Variants in ACAP3 observed in about 807,000 individuals in gnomAD.
ACAP3 encodes arf-GAP with coiled-coil, ANK repeat and PH domain-containing protein 3.
A neutral mutation model predicts 104.1 loss-of-function variants in ACAP3; 56 were observed. The observed-to-expected ratio is 0.54, with a 90% CI of 0.43 to 0.67. ACAP3 has a LOEUF of 0.67. ACAP3 is among the 30% of genes least tolerant of loss of function. ACAP3 has a pLI of 0.00. For synonymous variants in ACAP3, 628 were observed against 496.2 expected, an observed-to-expected ratio of 1.27 and a Z score of -3.53; for missense variants, 1,208 against 1,174.9, an observed-to-expected ratio of 1.03 and a Z score of -0.41.
At chr1:1,298,326 G>A in intron 12 of ACAP3, 44 bp downstream of exon 12, 1 of 1,604,974 alleles carries the variant, frequency 6.2e-7, no homozygotes, top group Non-Finnish European at 8.5e-7. Context: ...GGCCCAGGTG[G>A]GGCGTCCAGC....
At position 1,300,798 on chromosome 1, in the gene ACAP3, T is replaced by A. The variant is rs570380022; in HGVS notation, c.339-106A>T. The A allele has an allele frequency of 5.7e-5, 71 of 1,245,868 alleles. No individual in the cohort carries two copies. The African/African-American group carries it at 9.7e-4, about 17-fold the overall frequency. 77.2% of individuals were successfully genotyped at this position (1,245,868 alleles called of 1,614,324 possible). On this transcript the variant is annotated intron_variant, in intron 5 of 23. Coordinates refer to ENST00000354700, the MANE Select transcript of ACAP3 (RefSeq NM_030649.3). The stretch of plus-strand genomic sequence containing the variant: ...GTGTTTTTTGTTTTTTGAGACGGAG[T>A]TTCGCTCTTGTCACCCAGGCTGGAG...
At position 1,303,992 on chromosome 1, in the gene ACAP3, G is replaced by A; in HGVS notation, c.105+94C>T. ...CACACGCATGCTCCACATATGGGGG[G>A]TGTAAGTGGCTTAGTAAGGCCTGGA... On this transcript the variant is annotated intron_variant, in intron 2 of 23. Transcript: ENST00000354700. This position sits in a 1 kb window ranked among gnomAD's most constrained non-coding sequence, Gnocchi z 4.0. 3 of 1,432,672 alleles carry A rather than the reference G, an allele frequency of 2.1e-6. No individual in the cohort carries two copies. Among genetic ancestry groups the A allele is most frequent in the African/African-American group, 1.4e-5 (1 of 70,970 alleles). 88.7% of individuals were successfully genotyped at this position (1,432,672 alleles called of 1,614,324 possible). A position where few individuals can be genotyped will look rare whatever the true frequency, so the allele number is the denominator to read the frequency against.
intron 6 of ACAP3, 133 bp from the exon 7 acceptor site, chr1:1,300,335 G>A: frequency 7.8e-7 from 1 of 1,278,472 alleles, no homozygotes. Flanking sequence ...CCAGCTCTGG[G>A]CCAGCCTCAT....
chr1:1,296,629 A>G lies in ACAP3; in HGVS notation c.1133T>C (p.Leu378Pro). Residue 378 changes from leucine (L) to proline (P), a missense_variant, in exon 15 of 24, where the codon CTG becomes CCG. Physicochemically the swap from Leu to Pro is moderately conservative, Grantham distance 98 (BLOSUM62 -3). Coordinates refer to ENST00000354700, the MANE Select transcript of ACAP3 (RefSeq NM_030649.3). ...CGTGGACGGGGATGCTGTGCGGTCC[A>G]GCCTCTGGAGGATGGGGTGGAGCTG... ...ESPDSCYSER[L>P]DRTASPSTSS... is the part of the protein sequence containing the mutation. 6.5e-7 allele frequency: 1 copy of G among 1,535,046 alleles called. No homozygotes were observed. Among genetic ancestry groups the G allele is most frequent in the Non-Finnish European group, 8.7e-7 (1 of 1,144,996 alleles).
At position 1,303,021 on chromosome 1, in the gene ACAP3, C is replaced by T; in HGVS notation, c.226-46G>A. On this transcript the variant is annotated intron_variant, in intron 3 of 23. Transcript: ENST00000354700. This position sits in a 1 kb window ranked among gnomAD's most constrained non-coding sequence, Gnocchi z 4.0. ...CCGTGCTGAGATGGCAAATCCGGGC[C>T]CAGGTCACCCAGCCACGCCCTCTGA... 6.3e-7 allele frequency: 1 copy of T among 1,581,954 alleles called. No homozygotes were observed. The highest frequency in any genetic ancestry group is 1.1e-5 in the South Asian group (1 of 86,992).
In ACAP3 at chr1:1,298,399, T is replaced by C. The variant is rs544359869; in HGVS notation, c.886A>G (p.Ser296Gly). ...AGCTTCTTCTGGTAGACCAGCTGGC[T>C]GTTCTGAATGGAGAACCAGCGCCTA... ...WNRRWFSIQN[S>G]QLVYQKKLKD... The change falls in exon 12 of 24, where the codon AGC becomes GGC. Residue 296 changes from serine (S) to glycine (G), a missense_variant. Ser to Gly is a moderately conservative substitution (Grantham distance 56). Transcript: ENST00000354700. 6.7e-5 allele frequency: 108 copies of C among 1,602,058 alleles called. 1 individual carries two copies. The East Asian group carries it at 1.7e-3, about 26-fold the overall frequency.
At chr1:1,299,262 G>C in intron 10 of ACAP3, 83 bp downstream of exon 10, 1 of 1,519,086 alleles carries the variant, frequency 6.6e-7, no homozygotes, top group Non-Finnish European at 9.0e-7. Flanking sequence ...GTGCTGAAGT[G>C]CCCTTGGGGT....
intron 10 of ACAP3, 158 bp downstream of exon 10, chr1:1,299,187 G>T: frequency 2.0e-6 from 2 of 991,818 alleles, no homozygotes; most frequent in Non-Finnish European, 3.0e-6. Context: ...GTGGAGGTCT[G>T]GCCGGAGCCA....
Position 1,294,629 on chromosome 1 carries a change from C to A in ACAP3, c.1913-1G>T, listed in dbSNP as rs1641030393. ...CTGGACTCCTCCGACTCTGCACCCT[C>A]TGTGGGGAGGGGGCGGTCAGGGAAA... On this transcript the variant is annotated splice_acceptor_variant, in intron 20 of 23. Transcript: ENST00000354700. LOFTEE classifies it high-confidence loss of function. 6.5e-7 allele frequency: 1 copy of A among 1,530,544 alleles called. No individual in the cohort carries two copies. The highest frequency in any genetic ancestry group is 8.8e-7 in the Non-Finnish European group (1 of 1,137,010). The allele number at this position is 1,530,544 out of a possible 1,614,324, so 94.8% of individuals were successfully genotyped here. A position where few individuals can be genotyped will look rare whatever the true frequency, so the allele number is the denominator to read the frequency against.
At chr1:1,302,110 C>G (rs1557607807) in intron 4 of ACAP3, 64 bp from the exon 5 acceptor site, 2 of 1,346,842 alleles carry the variant, frequency 1.5e-6, no homozygotes, top group East Asian at 2.7e-5. Context: ...ATGGAAGGCC[C>G]CATCCTCACC....
chr1:1,300,841 G>C, intron 5 of ACAP3, 149 bp from the exon 6 acceptor site: 2 of 750,702 alleles, frequency 2.7e-6, no homozygotes, highest in South Asian at 3.8e-5. Context: ...GTGCTGTCTC[G>C]GCTCACCGCA....
In ACAP3 at chr1:1,295,892, A is replaced by G. The variant is rs1405818953; in HGVS notation, c.1549T>C (p.Phe517Leu). ...WIKDKYVEKKFLRKAPMAPAL... is the reference protein window; with the variant it reads ...WIKDKYVEKKLLRKAPMAPAL... ...GGTGCCATGGGCGCCTTCCGCAGAA[A>G]CTTCTTTTCCACGTATTTGTCCTTG... Residue 517 changes from phenylalanine (F) to leucine (L), a missense_variant, in exon 18 of 24, where the codon TTT becomes CTT. Phe to Leu is a conservative substitution (Grantham distance 22, BLOSUM62 0). Transcript: ENST00000354700. 6.2e-7 allele frequency: 1 copy of G among 1,612,040 alleles called. No homozygotes were observed. The highest frequency in any genetic ancestry group is 8.5e-7 in the Non-Finnish European group (1 of 1,179,932).
chr1:1,298,498 A>AGC, intron 11 of ACAP3, 69 bp downstream of exon 11: 1 of 533,196 alleles, frequency 1.9e-6, no homozygotes, highest in East Asian at 3.1e-5. Context: ...CCACCTGAGG[A>AGC]CCCCACCCCC....
chr1:1,294,285 C>T (rs1641007133), intron 21 of ACAP3, 86 bp from the exon 22 acceptor site: 1 of 1,514,062 alleles, frequency 6.6e-7, no homozygotes. Context: ...TGGGCGCCCC[C>T]AGCCGGGACC....
chr1:1,303,725 G>C lies in ACAP3; in HGVS notation c.105+361C>G. ...TCATGGACACGGCTCCCCCCTCCAC[G>C]GCCTGTTGCCCCCTCCCCTTTCTCA... On this transcript the variant is annotated intron_variant, in intron 2 of 23. Coordinates refer to ENST00000354700, the MANE Select transcript of ACAP3 (RefSeq NM_030649.3). This position sits in a 1 kb window ranked among gnomAD's most constrained non-coding sequence, Gnocchi z 4.0. 2.8e-6 allele frequency: 1 copy of C among 360,766 alleles called. No homozygotes were observed. 22.3% of individuals were successfully genotyped at this position (360,766 alleles called of 1,614,324 possible). A position where few individuals can be genotyped will look rare whatever the true frequency, so the allele number is the denominator to read the frequency against.
chr1:1,298,152 C>T, intron 12 of ACAP3, 39 bp from the exon 13 acceptor site: 1 of 1,574,516 alleles, frequency 6.4e-7, no homozygotes, highest in South Asian at 1.1e-5. Context: ...CCTCAGCCAC[C>T]ACCCGGCCCC....
rs1226876371 is a variant in ACAP3, at chr1:1,297,158, T to C, written c.1129-525A>G. On this transcript the variant is annotated intron_variant, in intron 14 of 23. Coordinates refer to ENST00000354700, the MANE Select transcript of ACAP3 (RefSeq NM_030649.3). ...CCATCCCCAGTGGCACGTGTGTGTG[T>C]GCACAGGCGCGGGGCAGGGGCCATC... Among the ~76,000 whole-genome samples the C allele has an allele frequency of 1.0e-4, 14 of 137,104 alleles. 1 individual carries two copies. The highest frequency in any genetic ancestry group is 2.6e-4 in the African/African-American group (8 of 30,818). The allele number at this position is 137,104 out of a possible 152,430, so 89.9% of individuals were successfully genotyped here. A position where few individuals can be genotyped will look rare whatever the true frequency, so the allele number is the denominator to read the frequency against.
chr1:1,295,051 C>A, intron 19 of ACAP3: 1 of 572,308 alleles, frequency 1.7e-6, no homozygotes, highest in Admixed American at 3.3e-5. Flanking sequence ...TTGGGAAGCC[C>A]TTCCCTCCCG....
In ACAP3 at chr1:1,303,415, CCCGGTGCAGCTT is replaced by C; in HGVS notation, c.106-146_106-135del. ...GGCGTTGGCACTCAGGACTCAGTGC[CCCGGTGCAGCTT>C]CCTCACGCCTGGGCCTGCCTGGGGC... On this transcript the variant is annotated intron_variant, in intron 2 of 23. Transcript: ENST00000354700. The surrounding 1 kb of genome is among the most constrained non-coding windows in gnomAD (Gnocchi z 4.0). 1 of 1,298,378 alleles carries C rather than the reference CCCGGTGCAGCTT, an allele frequency of 7.7e-7. No individual in the cohort carries two copies. Among genetic ancestry groups the C allele is most frequent in the Non-Finnish European group, 1.0e-6 (1 of 969,182 alleles). The allele number at this position is 1,298,378 out of a possible 1,614,324, so 80.4% of individuals were successfully genotyped here. A position where few individuals can be genotyped will look rare whatever the true frequency, so the allele number is the denominator to read the frequency against.
Sources: gnomAD v4.1 joint callset for allele counts (sites outside exome capture counted in the v4.1 genomes callset) on GRCh38, gnomAD v4.1.1 for gene constraint, Gnocchi (gnomAD v3.1) non-coding constraint, MANE v1.5 for transcripts, NCBI Gene and HGNC (gene_info 2026-07-23, HGNC 2026-07-21) for gene names.